Variants in FRAS1 observed in about 807,000 individuals in gnomAD.
The protein encoded by FRAS1 is extracellular matrix organizing protein FRAS1.
A neutral mutation model predicts 435.2 loss-of-function variants in FRAS1; 290 were observed. That is an observed-to-expected ratio of 0.67 (90% CI 0.61 to 0.73). The LOEUF (loss-of-function observed/expected upper bound fraction) is 0.73, where lower values mean the gene tolerates loss of function less well. Among genes scored for constraint, FRAS1 ranks in the 30% least tolerant of loss-of-function variants. The pLI is 0.00. For missense variants in FRAS1, 4,860 were observed against 5,001.5 expected, an observed-to-expected ratio of 0.97 and a Z score of 0.85; for synonymous variants, 1,800 against 1,851.0, an observed-to-expected ratio of 0.97 and a Z score of 0.71.
At chr4:78,262,523 G>A (rs1366531699) in intron 6 of FRAS1, among the ~76,000 whole-genome samples, 2 of 152,144 alleles carry the variant, frequency 1.3e-5, no homozygotes, top group African/African-American at 2.4e-5. Flanking sequence ...GCAATGGCAG[G>A]CCATAGAATG....
At chr4:78,116,793 G>T (rs1038200748) in intron 2 of FRAS1, among the ~76,000 whole-genome samples, 1 of 152,146 alleles carries the variant, frequency 6.6e-6, no homozygotes, top group Non-Finnish European at 1.5e-5. Context: ...CCATTTACCA[G>T]TCTGTGTCTT....
intron 2 of FRAS1, among the ~76,000 whole-genome samples, chr4:78,149,233 G>A (rs1472977519): frequency 6.6e-6 from 1 of 152,176 alleles, no homozygotes; most frequent in Non-Finnish European, 1.5e-5. Flanking sequence ...CAGGGCCTGA[G>A]CATTCTTGGC....
chr4:78,363,274 G>T (rs6833805), intron 20 of FRAS1, among the ~76,000 whole-genome samples: 72,014 of 151,954 alleles, frequency 0.47, 18,014 homozygotes, highest in Non-Finnish European at 0.56. Context: ...AGGTCATTCC[G>T]TTGGAAAGGG....
intron 2 of FRAS1, among the ~76,000 whole-genome samples, chr4:78,166,425 G>A (rs1721333250): frequency 6.6e-6 from 1 of 152,094 alleles, no homozygotes; most frequent in East Asian, 1.9e-4. Context: ...GGACTAATAA[G>A]ACTTTTCTTT....
At chr4:78,385,002 A>T (rs1243802692) in intron 28 of FRAS1, among the ~76,000 whole-genome samples, 1 of 151,958 alleles carries the variant, frequency 6.6e-6, no homozygotes, top group Non-Finnish European at 1.5e-5. Context: ...GCAGTTAGAG[A>T]ATATTATTAA....
At chr4:78,506,996 C>G (rs2109880780) in intron 61 of FRAS1, among the ~76,000 whole-genome samples, 1 of 152,304 alleles carries the variant, frequency 6.6e-6, no homozygotes, top group Admixed American at 6.5e-5. Context: ...TGAGCCACTA[C>G]TTCTCAGGAG....
intron 2 of FRAS1, among the ~76,000 whole-genome samples, chr4:78,072,988 G>A (rs575460378): frequency 9.9e-5 from 15 of 152,012 alleles, no homozygotes; most frequent in African/African-American, 2.7e-4. Context: ...GTGTGTTTCC[G>A]CCTAAGGAAA....
chr4:78,384,038 C>T, intron 27 of FRAS1, 21 bp from the exon 28 acceptor site: 1 of 1,560,884 alleles, frequency 6.4e-7, no homozygotes, highest in Admixed American at 1.8e-5. Flanking sequence ...TTTCTTATTC[C>T]TTTCTTTGGG....
chr4:78,124,362 G>A (rs1719215546), intron 2 of FRAS1, among the ~76,000 whole-genome samples: 1 of 152,128 alleles, frequency 6.6e-6, no homozygotes, highest in Admixed American at 6.5e-5. Context: ...ATGTGCTGCT[G>A]GATTCAGTTT....
At chr4:78,477,468 A>G (rs1426318580) in intron 54 of FRAS1, among the ~76,000 whole-genome samples, 1 of 152,220 alleles carries the variant, frequency 6.6e-6, no homozygotes, top group Non-Finnish European at 1.5e-5. Flanking sequence ...GAGTTCTTCC[A>G]GAAAGGGAAC....
chr4:78,078,379 G>A (rs1740750290), intron 2 of FRAS1, among the ~76,000 whole-genome samples: 1 of 152,132 alleles, frequency 6.6e-6, no homozygotes, highest in African/African-American at 2.4e-5. Context: ...GCCCTTTGGG[G>A]AAGTCATACT....
At chr4:78,479,904 C>T (rs1362789379) in intron 56 of FRAS1, among the ~76,000 whole-genome samples, 186 bp downstream of exon 56, 1 of 152,060 alleles carries the variant, frequency 6.6e-6, no homozygotes, top group African/African-American at 2.4e-5. Context: ...ATAGAGAGTT[C>T]CATCCACTTT....
At chr4:78,359,678 A>G (rs1268788) in intron 20 of FRAS1, among the ~76,000 whole-genome samples, 98,009 of 151,944 alleles carry the variant, frequency 0.65, 32,199 homozygotes, top group Non-Finnish European at 0.67. Context: ...CGTAGAATGA[A>G]TACAGGTAGT....
Position 78,451,891 on chromosome 4 carries a change from G to A in FRAS1, c.6583G>A (p.Glu2195Lys). ...IDKSFSISIL[E>K]DKSPPVITTN... ...CAAGTCATTTTCCATCAGCATTCTA[G>A]GTAAAGAGACATTTGATTTTCTAAT... The change falls in exon 46 of 74, where the codon GAA becomes AAA. Residue 2195 changes from glutamate (E) to lysine (K), a missense_variant and splice_region_variant. Coordinates refer to ENST00000512123, the MANE Select transcript of FRAS1 (RefSeq NM_025074.7). 6.2e-7 allele frequency: 1 copy of A among 1,609,596 alleles called. No individual in the cohort carries two copies. Among genetic ancestry groups the A allele is most frequent in the African/African-American group, 1.3e-5 (1 of 74,880 alleles).
At chr4:78,157,707 G>A (rs1720954425) in intron 2 of FRAS1, among the ~76,000 whole-genome samples, 1 of 152,124 alleles carries the variant, frequency 6.6e-6, no homozygotes, top group Non-Finnish European at 1.5e-5. Flanking sequence ...TAGATTCTGA[G>A]TGTTTGCCCT....
At position 78,432,616 on chromosome 4, in the gene FRAS1, C is replaced by A; in HGVS notation, c.5217+12C>A. 6.4e-7 allele frequency: 1 copy of A among 1,551,720 alleles called. No homozygotes were observed. The highest frequency in any genetic ancestry group is 8.7e-7 in the Non-Finnish European group (1 of 1,146,590). Reference sequence around the variant, plus strand: ...ACCTTGCTTACGTGGTAAGTTCTTCCATTTGCTGTGTTTGTTCTCCACCGC... The same window carrying A: ...ACCTTGCTTACGTGGTAAGTTCTTCAATTTGCTGTGTTTGTTCTCCACCGC... On this transcript the variant is annotated intron_variant, in intron 38 of 73. Coordinates refer to ENST00000512123, the MANE Select transcript of FRAS1 (RefSeq NM_025074.7).
At position 78,505,786 on chromosome 4, in the gene FRAS1, C is replaced by T. The variant is rs182508205; in HGVS notation, c.9317-1635C>T. Among the ~76,000 whole-genome samples the T allele has an allele frequency of 9.9e-4, 151 of 152,246 alleles. 1 individual carries two copies. In the Middle Eastern group the frequency reaches 0.024, roughly 24 times the overall value. ...TTGTTCCGTTGCTGGTGAGGAGCTG[C>T]GATCCTTTGGAGGAGAAGAGACACT... On this transcript the variant is annotated intron_variant, in intron 61 of 73. Transcript: ENST00000512123.
intron 23 of FRAS1, among the ~76,000 whole-genome samples, chr4:78,370,713 C>T (rs1192900890): frequency 6.6e-6 from 1 of 152,060 alleles, no homozygotes; most frequent in Non-Finnish European, 1.5e-5. Flanking sequence ...AGACGTAGTC[C>T]CTGTCTTCAA....
rs949962417 is a variant in FRAS1, at chr4:78,117,157, G to T, written c.108+51141G>T. Among the ~76,000 whole-genome samples the T allele has an allele frequency of 5.3e-5, 8 of 152,234 alleles. No individual in the cohort carries two copies. In the East Asian group the frequency reaches 5.8e-4, roughly 11 times the overall value. On this transcript the variant is annotated intron_variant, in intron 2 of 73. Coordinates refer to ENST00000512123, the MANE Select transcript of FRAS1 (RefSeq NM_025074.7). ...TGTCTTTAAAGAATGTTGAATATTG[G>T]CCCCCACTCTCTTCTGGCTTGTAGA...
Sources: gnomAD v4.1 joint callset for allele counts (sites outside exome capture counted in the v4.1 genomes callset) on GRCh38, gnomAD v4.1.1 for gene constraint, MANE v1.5 for transcripts, NCBI Gene and HGNC (gene_info 2026-07-23, HGNC 2026-07-21) for gene names.